Variants in CDC5L observed in about 807,000 individuals in gnomAD.
CDC5L encodes cell division cycle 5-like protein.
Under a neutral mutation model 104.1 loss-of-function variants are expected in CDC5L, and 18 were observed. That is an observed-to-expected ratio of 0.17 (90% CI 0.12 to 0.26). CDC5L has a LOEUF of 0.26. CDC5L is among the 10% of genes least tolerant of loss of function. CDC5L has a pLI of 1.00. For synonymous variants in CDC5L, 331 were observed against 322.7 expected, an observed-to-expected ratio of 1.03 and a Z score of -0.28; for missense variants, 673 against 956.9, an observed-to-expected ratio of 0.70 and a Z score of 3.91.
At chr6:44,410,193 T>G (rs1323481484) in intron 8 of CDC5L, among the ~76,000 whole-genome samples, 1 of 152,206 alleles carries the variant, frequency 6.6e-6, no homozygotes, top group East Asian at 1.9e-4. Context: ...CTTACTGAAA[T>G]TTTGTGTCCT....
At chr6:44,404,341 C>T (rs1791265724) in intron 6 of CDC5L, among the ~76,000 whole-genome samples, 2 of 151,754 alleles carry the variant, frequency 1.3e-5, no homozygotes, top group African/African-American at 4.8e-5. Context: ...AGGGTGGGAT[C>T]TCCTTTTGTT....
intron 8 of CDC5L, among the ~76,000 whole-genome samples, chr6:44,413,963 A>G (rs1378988080): frequency 6.6e-6 from 1 of 152,164 alleles, no homozygotes; most frequent in Non-Finnish European, 1.5e-5. Context: ...TGTCTTTTTG[A>G]TTATAGCCAT....
intron 4 of CDC5L, among the ~76,000 whole-genome samples, chr6:44,393,926 A>G (rs1437886313): frequency 1.3e-5 from 2 of 152,096 alleles, no homozygotes; most frequent in African/African-American, 4.8e-5. Context: ...TCTGCCTCCA[A>G]AAGTGTTGAG....
rs754382501 is a variant in CDC5L at position 44,419,514 on chromosome 6, A to G, written c.1158A>G (p.Pro386=). The part of the protein sequence containing the change: ...DTPLKGGLNT[P]LHESDFSGVT... ...CATTGAAAGGTGGACTTAATACCCC[A>G]TTGCATGAGAGTGACTTCTCAGGTG... The change falls in exon 9 of 16, where the codon CCA becomes CCG. Residue 386 remains proline, a synonymous_variant. Coordinates refer to ENST00000371477, the MANE Select transcript of CDC5L (RefSeq NM_001253.4). The G allele has an allele frequency of 1.9e-6, 3 of 1,613,874 alleles. No individual in the cohort carries two copies. The highest frequency in any genetic ancestry group is 2.2e-5 in the South Asian group (2 of 91,086).
chr6:44,391,895 G>A (rs1273268706), intron 2 of CDC5L, among the ~76,000 whole-genome samples: 1 of 152,128 alleles, frequency 6.6e-6, no homozygotes, highest in African/African-American at 2.4e-5. Context: ...GGCTGAGGTG[G>A]GAGGATCGGT....
intron 5 of CDC5L, among the ~76,000 whole-genome samples, chr6:44,402,737 A>G (rs964035686): frequency 6.6e-6 from 1 of 152,252 alleles, no homozygotes; most frequent in African/African-American, 2.4e-5. Context: ...ATTCATTGAT[A>G]GATATGCATA....
intron 5 of CDC5L, among the ~76,000 whole-genome samples, chr6:44,403,375 C>G (rs1335526429): frequency 6.7e-6 from 1 of 149,328 alleles, no homozygotes; most frequent in Non-Finnish European, 1.5e-5. Flanking sequence ...ATTTAACCAT[C>G]ATACTAGTTG....
chr6:44,391,861 G>A (rs1191706944), intron 2 of CDC5L, among the ~76,000 whole-genome samples: 1 of 152,094 alleles, frequency 6.6e-6, no homozygotes, highest in Non-Finnish European at 1.5e-5. Context: ...ACAAAAATTA[G>A]CCAGGCGTGG....
At chr6:44,397,464 TC>T (rs899758839) in intron 5 of CDC5L, among the ~76,000 whole-genome samples, 1 of 152,188 alleles carries the variant, frequency 6.6e-6, no homozygotes, top group African/African-American at 2.4e-5. Context: ...TGTATTTTTT[TC>T]CCCCAACCAT....
chr6:44,387,898 C>A (rs531775957), intron 1 of CDC5L, 30 bp downstream of exon 1: 1 of 1,552,886 alleles, frequency 6.4e-7, no homozygotes, highest in Admixed American at 1.9e-5. Flanking sequence ...CGTCCGCTGC[C>A]CGCCGCTCCC....
rs767062259 is a variant in CDC5L at position 44,393,573 on chromosome 6, G to T, written c.439G>T (p.Asp147Tyr). 1 of 1,612,322 alleles carries T rather than the reference G, an allele frequency of 6.2e-7. No homozygotes were observed. The highest frequency in any genetic ancestry group is 8.5e-7 in the Non-Finnish European group (1 of 1,179,216). The change falls in exon 4 of 16, where the codon GAT (aspartate) becomes TAT (tyrosine). Residue 147 changes from aspartate (D) to tyrosine (Y), a missense_variant and splice_region_variant. Transcript: ENST00000371477. The stretch of plus-strand genomic sequence containing the variant: ...GCCTGATCCAATTGATATGGATGAG[G>T]GTAAGTGTATGCTTTGAGGAATTTA... The part of the protein sequence containing the change: ...ARPDPIDMDE[D>Y]ELEMLSEARA...
chr6:44,404,094 A>G, intron 6 of CDC5L, 67 bp downstream of exon 6: 3 of 1,066,266 alleles, frequency 2.8e-6, no homozygotes, highest in Non-Finnish European at 4.1e-6. Flanking sequence ...AGGGCCAAGT[A>G]TTATCCTTGT....
intron 8 of CDC5L, among the ~76,000 whole-genome samples, chr6:44,411,180 T>C (rs1791606538): frequency 6.6e-6 from 1 of 152,090 alleles, no homozygotes; most frequent in South Asian, 2.1e-4. Context: ...TCTTTGCCTG[T>C]GTCTAGAAGT....
rs1336945611 is a variant in CDC5L at position 44,398,717 on chromosome 6, A to T, written c.539+2277A>T. ...TTATATTCATTTAGCATTATTGTGT[A>T]AAGGTTTTCTAATGTGGATTGAAGT... On this transcript the variant is annotated intron_variant, in intron 5 of 15. Transcript: ENST00000371477. Among the ~76,000 whole-genome samples, 4 of 152,346 alleles carry T rather than the reference A, an allele frequency of 2.6e-5. No individual in the cohort carries two copies. In the East Asian group the frequency reaches 7.7e-4, roughly 29 times the overall value.
intron 13 of CDC5L, among the ~76,000 whole-genome samples, chr6:44,428,316 A>G (rs78695140): frequency 1.3e-5 from 2 of 151,838 alleles, no homozygotes; most frequent in African/African-American, 4.8e-5. Context: ...TTCTTTTGTT[A>G]AAATTTTTTG....
At chr6:44,400,735 G>A (rs1429301373) in intron 5 of CDC5L, among the ~76,000 whole-genome samples, 1 of 152,156 alleles carries the variant, frequency 6.6e-6, no homozygotes, top group Admixed American at 6.5e-5. Flanking sequence ...TGAAGCATCT[G>A]ATGTTGCTCC....
Position 44,393,452 on chromosome 6 carries a change from A to C in CDC5L, c.318A>C (p.Lys106Asn). 6.2e-7 allele frequency: 1 copy of C among 1,613,732 alleles called. No individual in the cohort carries two copies. The highest frequency in any genetic ancestry group is 8.5e-7 in the Non-Finnish European group (1 of 1,179,772). Residue 106 changes from lysine (K) to asparagine (N), a missense_variant, in exon 4 of 16, where the codon AAA becomes AAC. Lys to Asn is a moderately conservative substitution (Grantham distance 94, BLOSUM62 0). Coordinates refer to ENST00000371477, the MANE Select transcript of CDC5L (RefSeq NM_001253.4). ...CCTATGGGCTTTTTTCTAGGGATAAAGCTGCCCAAAGAGACAATGAAGAGG... is the reference window on the plus strand; with the variant it reads ...CCTATGGGCTTTTTTCTAGGGATAACGCTGCCCAAAGAGACAATGAAGAGG... ...CLEHYEFLLD[K>N]AAQRDNEEET...
At chr6:44,418,395 A>G (rs1175433399) in intron 8 of CDC5L, among the ~76,000 whole-genome samples, 1 of 152,142 alleles carries the variant, frequency 6.6e-6, no homozygotes, top group South Asian at 2.1e-4. Context: ...CCAGTCTATC[A>G]TTGTTGGACA....
intron 13 of CDC5L, among the ~76,000 whole-genome samples, chr6:44,428,461 A>T (rs778079288): frequency 1.3e-5 from 2 of 152,310 alleles, no homozygotes; most frequent in Non-Finnish European, 2.9e-5. Context: ...AAGGGCTGGG[A>T]AAAAATTCAT....
Sources: gnomAD v4.1 joint callset for allele counts (sites outside exome capture counted in the v4.1 genomes callset) on GRCh38, gnomAD v4.1.1 for gene constraint, MANE v1.5 for transcripts, NCBI Gene and HGNC (gene_info 2026-07-23, HGNC 2026-07-21) for gene names.